The following SUMF1 variants were observed in gnomAD, a reference collection of about 807,000 sequenced individuals.
The protein encoded by SUMF1 is formylglycine-generating enzyme.
In SUMF1, 48 loss-of-function variants were observed where a neutral mutation model predicts 47.6. The observed-to-expected ratio is 1.01, with a 90% CI of 0.80 to 1.28. The LOEUF (loss-of-function observed/expected upper bound fraction) is 1.28. SUMF1 is among the 50% of genes most tolerant of loss of function. SUMF1 has a pLI of 0.00. For synonymous variants in SUMF1, 230 were observed against 192.1 expected (o/e 1.20, Z -1.63); for missense variants, 571 against 485.4 (o/e 1.18, Z -1.66).
At chr3:4,042,945 C>A (rs1409189703) in intron 9 of SUMF1, among the ~76,000 whole-genome samples, 1 of 152,154 alleles carries the variant, frequency 6.6e-6, no homozygotes, top group Non-Finnish European at 1.5e-5. Flanking sequence ...ATTCTCTCTG[C>A]TGTTTTCCCA....
intron 8 of SUMF1, chr3:4,316,496 A>G: frequency 6.2e-7 from 1 of 1,600,158 alleles, no homozygotes; most frequent in Non-Finnish European, 8.5e-7. Context: ...TTGCTGAAGA[A>G]CTCAATGTCA....
At chr3:4,067,714 T>A (rs1038862821) in intron 9 of SUMF1, among the ~76,000 whole-genome samples, 6 of 152,136 alleles carry the variant, frequency 3.9e-5, no homozygotes, top group Admixed American at 2.6e-4. Context: ...AAGAAATCCA[T>A]TCATATACTT....
chr3:4,079,447 G>C (rs1417707776), intron 8 of SUMF1, among the ~76,000 whole-genome samples: 2 of 151,980 alleles, frequency 1.3e-5, no homozygotes, highest in East Asian at 1.9e-4. Context: ...ATGTACCTGA[G>C]AGAGCAGCAG....
intron 8 of SUMF1, among the ~76,000 whole-genome samples, chr3:4,238,427 C>G (rs144969195): frequency 1.8e-3 from 274 of 152,270 alleles, no homozygotes; most frequent in African/African-American, 6.3e-3. Flanking sequence ...TCCAAATCCT[C>G]TCCAGCATCT....
intron 7 of SUMF1, among the ~76,000 whole-genome samples, chr3:4,400,227 G>A (rs1701167012): frequency 6.6e-6 from 1 of 152,216 alleles, no homozygotes; most frequent in African/African-American, 2.4e-5. Context: ...AGCCAAGAAA[G>A]ACAGGCTTTC....
intron 3 of SUMF1, among the ~76,000 whole-genome samples, chr3:4,438,239 A>AGAC (rs1340705855): frequency 7.6e-6 from 1 of 132,190 alleles, no homozygotes; most frequent in Admixed American, 7.5e-5. Context: ...CAAAAAAAAA[A>AGAC]AAAGATCTCA....
chr3:4,102,951 C>T (rs1027223021), intron 8 of SUMF1, among the ~76,000 whole-genome samples: 2 of 150,478 alleles, frequency 1.3e-5, no homozygotes, highest in Non-Finnish European at 2.9e-5. Context: ...GAGATGGAAT[C>T]TCACTCTGTC....
At chr3:4,337,332 C>G (rs1355505249) in intron 8 of SUMF1, among the ~76,000 whole-genome samples, 2 of 151,914 alleles carry the variant, frequency 1.3e-5, no homozygotes, top group African/African-American at 4.8e-5. Flanking sequence ...CCCTACTGTC[C>G]CCTTGTCATT....
intron 7 of SUMF1, among the ~76,000 whole-genome samples, chr3:4,403,055 C>T (rs151047352): frequency 6.6e-6 from 1 of 152,172 alleles, no homozygotes; most frequent in African/African-American, 2.4e-5. Flanking sequence ...GCACTGACAG[C>T]AATTAGGATG....
chr3:4,406,019 C>G (rs769346856), intron 7 of SUMF1, among the ~76,000 whole-genome samples: 7 of 152,152 alleles, frequency 4.6e-5, no homozygotes, highest in African/African-American at 1.7e-4. Context: ...TTTCCCTCTG[C>G]TTCTTTTTTT....
At chr3:4,097,005 T>C (rs890783103) in intron 8 of SUMF1, among the ~76,000 whole-genome samples, 2 of 152,138 alleles carry the variant, frequency 1.3e-5, no homozygotes, top group African/African-American at 4.8e-5. Flanking sequence ...GTCTGTTGAT[T>C]ACATTTAGCC....
intron 8 of SUMF1, among the ~76,000 whole-genome samples, chr3:4,282,863 G>C (rs1290688719): frequency 6.6e-6 from 1 of 152,098 alleles, no homozygotes; most frequent in Non-Finnish European, 1.5e-5. Context: ...TGTCTTCATT[G>C]ATTGACTACT....
intron 8 of SUMF1, chr3:4,229,378 A>C: frequency 7.5e-6 from 3 of 401,070 alleles, no homozygotes; most frequent in South Asian, 5.5e-5. Flanking sequence ...CCAAAAGCCA[A>C]GAAGAGAAAC....
chr3:4,271,367 C>T (rs1697297870), intron 8 of SUMF1, among the ~76,000 whole-genome samples: 1 of 152,098 alleles, frequency 6.6e-6, no homozygotes, highest in East Asian at 1.9e-4. Context: ...ATAAGGAGGT[C>T]AAGCCAGATA....
intron 7 of SUMF1, among the ~76,000 whole-genome samples, chr3:4,389,320 G>A (rs1700776583): frequency 6.8e-6 from 1 of 146,792 alleles, no homozygotes; most frequent in Admixed American, 6.7e-5. Context: ...GAAATCCATT[G>A]TCATTCAAAT....
rs577647863 is a variant in SUMF1, at chr3:4,132,426, A to T, written c.1015-63681T>A. Among the ~76,000 whole-genome samples, 62 of 152,234 alleles carry T rather than the reference A, an allele frequency of 4.1e-4. 1 individual carries two copies. Among genetic ancestry groups the T allele is most frequent in the African/African-American group, 1.3e-3 (54 of 41,524 alleles). On this transcript the variant is annotated intron_variant and NMD_transcript_variant, in intron 8 of 12. Transcript: ENST00000448413. ...TCAACTAGGTGACAATACTTTGCACAGCTGGGTCAAAGTTCTCCAGAAGGC... is the reference window on the plus strand; with the variant it reads ...TCAACTAGGTGACAATACTTTGCACTGCTGGGTCAAAGTTCTCCAGAAGGC...
intron 8 of SUMF1, among the ~76,000 whole-genome samples, chr3:4,194,393 G>A (rs370271180): frequency 8.5e-5 from 13 of 152,100 alleles, no homozygotes; most frequent in Admixed American, 2.6e-4. Context: ...AGTTAGGGGC[G>A]GAATCATGTG....
At chr3:4,412,495 T>C (rs773855128) in intron 6 of SUMF1, among the ~76,000 whole-genome samples, 6 of 152,054 alleles carry the variant, frequency 3.9e-5, no homozygotes, top group Non-Finnish European at 5.9e-5. Flanking sequence ...AAAAAGAGCA[T>C]GGTAGAGTAA....
rs575096243 is a variant in SUMF1 at position 4,076,985 on chromosome 3, C to A, written c.1015-8240G>T. Among the ~76,000 whole-genome samples, 3 of 151,984 alleles carry A rather than the reference C, an allele frequency of 2.0e-5. No individual in the cohort carries two copies. The South Asian group carries it at 6.2e-4, about 32-fold the overall frequency. ...TGCCACTGCACTCCAGCCTGGGCAACAGAGCGAGACTCCATCTCAAAAAAG... is the reference window on the plus strand; with the variant it reads ...TGCCACTGCACTCCAGCCTGGGCAAAAGAGCGAGACTCCATCTCAAAAAAG... On this transcript the variant is annotated intron_variant and NMD_transcript_variant, in intron 8 of 12. Coordinates refer to the SUMF1 transcript ENST00000448413.
Sources: allele counts gnomAD v4.1 joint callset (sites outside exome capture counted in the v4.1 genomes callset), GRCh38; gene constraint gnomAD v4.1.1; transcripts MANE v1.5; gene names NCBI Gene and HGNC (gene_info 2026-07-23, HGNC 2026-07-21).